Variants in SNTG1 observed in about 807,000 individuals in gnomAD.
SNTG1 encodes syntrophin gamma 1, also known as gamma-1-syntrophin.
A neutral mutation model predicts 74.7 loss-of-function variants in SNTG1; 39 were observed. The ratio of observed to expected loss-of-function variants is 0.52; its 90% CI spans 0.40 to 0.68. SNTG1 has a LOEUF of 0.68. SNTG1 is among the 30% of genes least tolerant of loss of function. The pLI is 0.00. For missense variants in SNTG1, 685 were observed against 609.5 expected (o/e 1.12, Z -1.30); for synonymous variants, 254 against 217.1 (o/e 1.17, Z -1.49).
intron 1 of SNTG1, among the ~76,000 whole-genome samples, chr8:50,158,305 T>C (rs570022514): frequency 5.3e-5 from 8 of 152,270 alleles, no homozygotes; most frequent in African/African-American, 1.9e-4. Context: ...GTCTTATTTT[T>C]AGCCTGTCTC....
At chr8:50,338,275 GTAAACACAGC>G (rs1379394214) in intron 2 of SNTG1, among the ~76,000 whole-genome samples, 10 of 152,310 alleles carry the variant, frequency 6.6e-5, no homozygotes, top group Admixed American at 2.0e-4. Flanking sequence ...GCAGCAAGCA[GTAAACACAGC>G]CTAACTCCTG....
intron 2 of SNTG1, among the ~76,000 whole-genome samples, chr8:50,291,122 A>T (rs2089077669): frequency 6.6e-6 from 1 of 152,148 alleles, no homozygotes; most frequent in Non-Finnish European, 1.5e-5. Context: ...TTTGCAGTGC[A>T]ATCTTGTCGG....
chr8:49,999,929 G>A (rs578241727), intron 1 of SNTG1, among the ~76,000 whole-genome samples: 6 of 152,068 alleles, frequency 3.9e-5, no homozygotes, highest in Non-Finnish European at 8.8e-5. Context: ...TTTGTTTCCT[G>A]TTGTATTCCC....
intron 1 of SNTG1, among the ~76,000 whole-genome samples, chr8:49,950,857 G>T (rs191391780): frequency 3.1e-4 from 47 of 152,278 alleles, no homozygotes; most frequent in African/African-American, 9.6e-4. Flanking sequence ...ACAGCTCTGA[G>T]ACATGTGAAG....
chr8:50,562,072 A>G (rs2094491827), intron 12 of SNTG1, among the ~76,000 whole-genome samples: 4 of 152,228 alleles, frequency 2.6e-5, no homozygotes, highest in African/African-American at 9.6e-5. Context: ...ATAAGTTACA[A>G]TGTGTAACTG....
chr8:50,118,372 TAAG>T (rs1044192695), intron 1 of SNTG1, among the ~76,000 whole-genome samples: 5 of 152,324 alleles, frequency 3.3e-5, no homozygotes, highest in Admixed American at 2.0e-4. Context: ...TTGGAAATGA[TAAG>T]AAAATGAACT....
Position 50,102,632 on chromosome 8 carries a change from C to T in SNTG1, c.-102-69929C>T, listed in dbSNP as rs1223343120. 3.6e-3 allele frequency among the ~76,000 whole-genome samples: 539 copies of T among 148,974 alleles called. 8 individuals are homozygous for T. Among genetic ancestry groups the T allele is most frequent in the African/African-American group, 0.013 (520 of 39,026 alleles). ...TGGTGTTTTAGACATGAAGTCCTTGCCCATGCCTATGTCCTGAATGGTAAT... is the reference window on the plus strand; with the variant it reads ...TGGTGTTTTAGACATGAAGTCCTTGTCCATGCCTATGTCCTGAATGGTAAT... On this transcript the variant is annotated intron_variant, in intron 1 of 18. Transcript: ENST00000642720.
At chr8:50,318,246 T>C (rs778044920) in intron 2 of SNTG1, among the ~76,000 whole-genome samples, 4 of 151,504 alleles carry the variant, frequency 2.6e-5, no homozygotes, top group Non-Finnish European at 5.9e-5. Flanking sequence ...GTTCTCAACA[T>C]GTGCACGGCA....
intron 12 of SNTG1, among the ~76,000 whole-genome samples, chr8:50,574,633 T>C (rs1297921711): frequency 6.6e-6 from 1 of 152,164 alleles, no homozygotes; most frequent in Non-Finnish European, 1.5e-5. Context: ...CATAAACACT[T>C]CCTCAGAACA....
chr8:50,747,928 T>G (rs1214599420), intron 17 of SNTG1: 1 of 151,964 alleles, frequency 6.6e-6, no homozygotes, highest in Non-Finnish European at 1.5e-5. Context: ...TAGACAGGGT[T>G]TCATCATGTT....
Position 49,920,875 on chromosome 8 carries a change from G to A in SNTG1, c.-103+8644G>A, listed in dbSNP as rs576190016. ...AACTAAATGACTAGATGTTAGTGAT[G>A]CCGCTATCAAATAAAACAAGAATCA... is the stretch of plus-strand genomic sequence containing the variant. On this transcript the variant is annotated intron_variant, in intron 1 of 18. Coordinates refer to ENST00000642720, the MANE Select transcript of SNTG1 (RefSeq NM_018967.5). 6.6e-5 allele frequency among the ~76,000 whole-genome samples: 10 copies of A among 152,212 alleles called. No individual in the cohort carries two copies. The East Asian group carries it at 1.9e-3, about 29-fold the overall frequency.
At chr8:50,394,969 T>C in intron 3 of SNTG1, among the ~76,000 whole-genome samples, 1 of 152,172 alleles carries the variant, frequency 6.6e-6, no homozygotes, top group East Asian at 1.9e-4. Context: ...TAAAGCATTT[T>C]TTTATTGTAT....
At chr8:50,655,177 TAC>T in intron 13 of SNTG1, among the ~76,000 whole-genome samples, 1 of 152,338 alleles carries the variant, frequency 6.6e-6, no homozygotes, top group African/African-American at 2.4e-5. Context: ...GTGGGTTGTC[TAC>T]ATTCTCTAAT....
At chr8:50,111,018 G>C (rs2080564831) in intron 1 of SNTG1, among the ~76,000 whole-genome samples, 1 of 152,100 alleles carries the variant, frequency 6.6e-6, no homozygotes, top group Admixed American at 6.5e-5. Flanking sequence ...AACTCTACCT[G>C]CAAGTTGTAA....
intron 1 of SNTG1, among the ~76,000 whole-genome samples, chr8:50,132,820 G>A (rs1222842579): frequency 6.6e-6 from 1 of 152,122 alleles, no homozygotes; most frequent in Non-Finnish European, 1.5e-5. Context: ...AATTCACAGG[G>A]ATCCAAGCCA....
chr8:50,197,800 T>C (rs1353543761), intron 2 of SNTG1, among the ~76,000 whole-genome samples: 1 of 152,192 alleles, frequency 6.6e-6, no homozygotes, highest in Non-Finnish European at 1.5e-5. Context: ...TCCCTAGTAG[T>C]AAACATGTCC....
chr8:50,102,590 T>A (rs1183642071), intron 1 of SNTG1, among the ~76,000 whole-genome samples: 1 of 147,666 alleles, frequency 6.8e-6, no homozygotes, highest in Non-Finnish European at 1.5e-5. Context: ...AATTTTGGCT[T>A]TTGTTGCCAT....
chr8:50,648,387 C>A (rs1563691096), intron 13 of SNTG1, among the ~76,000 whole-genome samples: 1 of 152,074 alleles, frequency 6.6e-6, no homozygotes, highest in South Asian at 2.1e-4. Flanking sequence ...TACACCACCG[C>A]ATTCTTTTTT....
At chr8:50,705,742 T>G (rs574780463) in intron 16 of SNTG1, among the ~76,000 whole-genome samples, 27 of 152,320 alleles carry the variant, frequency 1.8e-4, no homozygotes, top group African/African-American at 6.5e-4. Flanking sequence ...CTTTGTTTCT[T>G]AAGTGTGAAG....
Sources: gnomAD v4.1 joint callset for allele counts (sites outside exome capture counted in the v4.1 genomes callset) on GRCh38, gnomAD v4.1.1 for gene constraint, MANE v1.5 for transcripts, NCBI Gene and HGNC (gene_info 2026-07-23, HGNC 2026-07-21) for gene names.